Variants in RAB14 observed in about 807,000 individuals in gnomAD.
RAB14 encodes RAB14, member RAS oncogene family.
RAB14 carries 3 observed loss-of-function variants against 31.1 expected under a neutral mutation model. The observed-to-expected ratio is 0.10, with a 90% CI of 0.04 to 0.25. The LOEUF is 0.25. Ranked by LOEUF, RAB14 falls within the 10% of genes least tolerant of loss-of-function variation. The probability of loss-of-function intolerance (pLI) is 1.00; values close to 1 mark genes in which losing one functional copy is unlikely to be tolerated. For synonymous variants in RAB14, 85 were observed against 84.9 expected, an observed-to-expected ratio of 1.00 and a Z score of 0.00; for missense variants, 111 against 260.1, an observed-to-expected ratio of 0.43 and a Z score of 3.94.
intron 1 of RAB14, among the ~76,000 whole-genome samples, chr9:121,198,510 C>T (rs78262496): frequency 6.6e-6 from 1 of 152,118 alleles, no homozygotes; most frequent in African/African-American, 2.4e-5. Flanking sequence ...ATAGCTGATC[C>T]AAGACATAAC....
At chr9:121,185,046 T>C (rs1333812091) in intron 5 of RAB14, among the ~76,000 whole-genome samples, 2 of 152,160 alleles carry the variant, frequency 1.3e-5, no homozygotes, top group Non-Finnish European at 1.5e-5. Flanking sequence ...ACACAACTTC[T>C]ACACAGAAAT....
chr9:121,191,107 A>C (rs1348195789), intron 3 of RAB14, among the ~76,000 whole-genome samples: 1 of 152,142 alleles, frequency 6.6e-6, no homozygotes, highest in Non-Finnish European at 1.5e-5. Flanking sequence ...CAGTGACTGG[A>C]TTTGCCCCAC....
At chr9:121,201,601 G>C (rs932291197) in intron 1 of RAB14, 38 bp downstream of exon 1, 1 of 152,358 alleles carries the variant, frequency 6.6e-6, no homozygotes, top group Non-Finnish European at 1.5e-5. Context: ...GCGCGAGGAG[G>C]TATCAGCCGG....
At chr9:121,199,574 AAATG>A (rs2053741495) in intron 1 of RAB14, among the ~76,000 whole-genome samples, 1 of 152,256 alleles carries the variant, frequency 6.6e-6, no homozygotes, top group Non-Finnish European at 1.5e-5. Flanking sequence ...ATATTGATAA[AAATG>A]AACACTCCAA....
At chr9:121,188,209 T>A (rs925583366) in intron 4 of RAB14, among the ~76,000 whole-genome samples, 1 of 152,076 alleles carries the variant, frequency 6.6e-6, no homozygotes, top group African/African-American at 2.4e-5. Flanking sequence ...ATACAATTTT[T>A]AAAAAGCACA....
At position 121,181,164 on chromosome 9, in the gene RAB14, A is replaced by C; in HGVS notation, c.*232T>G. On this transcript the variant is annotated 3_prime_UTR_variant, in exon 8 of 8. Coordinates refer to ENST00000373840, the MANE Select transcript of RAB14 (RefSeq NM_016322.4). ...TATCACGAGGACAAGGGGGAAAAAAAGTCTAGATTTACCATGCAGGAGAGA... is the reference window on the plus strand; with the variant it reads ...TATCACGAGGACAAGGGGGAAAAAACGTCTAGATTTACCATGCAGGAGAGA... 1 of 379,806 alleles carries C rather than the reference A, an allele frequency of 2.6e-6. No homozygotes were observed. 23.5% of individuals were successfully genotyped at this position (379,806 alleles called of 1,614,324 possible).
chr9:121,200,769 C>T (rs1467181548), intron 1 of RAB14, among the ~76,000 whole-genome samples: 1 of 152,238 alleles, frequency 6.6e-6, no homozygotes, highest in East Asian at 1.9e-4. Context: ...GCCAGACACA[C>T]ATCACAACTT....
intron 4 of RAB14, among the ~76,000 whole-genome samples, chr9:121,187,873 G>C (rs954862456): frequency 2.6e-5 from 4 of 151,962 alleles, no homozygotes; most frequent in Non-Finnish European, 5.9e-5. Context: ...TTTAACATGT[G>C]AGGAAACGGA....
intron 6 of RAB14, 68 bp downstream of exon 6, chr9:121,183,243 A>G (rs2053643223): frequency 1.5e-6 from 2 of 1,348,028 alleles, no homozygotes; most frequent in Admixed American, 2.2e-5. Context: ...AAAACCAACA[A>G]AACTGTCAAG....
chr9:121,183,495 G>A (rs2132022106), intron 5 of RAB14, 97 bp from the exon 6 acceptor site: 2 of 933,000 alleles, frequency 2.1e-6, no homozygotes, highest in Non-Finnish European at 3.3e-6. Flanking sequence ...TAGAAAAAAT[G>A]ACTGGGCCTA....
intron 1 of RAB14, among the ~76,000 whole-genome samples, chr9:121,201,419 G>C (rs972724970): frequency 1.3e-5 from 2 of 152,064 alleles, no homozygotes; most frequent in Non-Finnish European, 2.9e-5. Context: ...GCTCAGGCCG[G>C]AGCCGCGCAG....
chr9:121,193,080 G>C (rs997298732), intron 2 of RAB14, among the ~76,000 whole-genome samples: 8 of 152,092 alleles, frequency 5.3e-5, no homozygotes, highest in Non-Finnish European at 1.0e-4. Flanking sequence ...TGCACTCCTT[G>C]AAACACTGAT....
At chr9:121,199,853 G>A (rs1333614893) in intron 1 of RAB14, among the ~76,000 whole-genome samples, 3 of 152,130 alleles carry the variant, frequency 2.0e-5, no homozygotes, top group Non-Finnish European at 2.9e-5. Context: ...ACTACTAAAT[G>A]GAGAGCTAGA....
chr9:121,190,456 ATACAAT>A (rs1383914365), intron 4 of RAB14, 92 bp downstream of exon 4: 2 of 1,112,080 alleles, frequency 1.8e-6, no homozygotes, highest in African/African-American at 3.2e-5. Flanking sequence ...ATTCACAGTC[ATACAAT>A]TACAAACTAA....
intron 1 of RAB14, among the ~76,000 whole-genome samples, 159 bp from the exon 2 acceptor site, chr9:121,193,578 T>C (rs1163491389): frequency 6.6e-6 from 1 of 152,108 alleles, no homozygotes; most frequent in Non-Finnish European, 1.5e-5. Flanking sequence ...ACTGATCAAA[T>C]ACACAAATTC....
At chr9:121,201,191 G>C (rs1400427172) in intron 1 of RAB14, among the ~76,000 whole-genome samples, 2 of 152,204 alleles carry the variant, frequency 1.3e-5, no homozygotes, top group Admixed American at 1.3e-4. Flanking sequence ...CCTACGGGAC[G>C]GGACCGCCAC....
rs763435742 is a variant in RAB14 at position 121,190,535 on chromosome 9, T to C, written c.284+19A>G. 58 of 1,546,898 alleles carry C rather than the reference T, an allele frequency of 3.7e-5. 1 individual carries two copies. Among genetic ancestry groups the C allele is most frequent in the Admixed American group, 1.4e-4 (7 of 51,126 alleles). ...TAGATTTATTTTCCCCATATGAAGGTTGAAAAATTATCTCTTACCTAGTGA... is the reference window on the plus strand; with the variant it reads ...TAGATTTATTTTCCCCATATGAAGGCTGAAAAATTATCTCTTACCTAGTGA... On this transcript the variant is annotated intron_variant, in intron 4 of 7. Transcript: ENST00000373840.
At chr9:121,190,311 G>A (rs562333686) in intron 4 of RAB14, among the ~76,000 whole-genome samples, 2 of 152,096 alleles carry the variant, frequency 1.3e-5, no homozygotes, top group South Asian at 4.1e-4. Context: ...TTTCAGAACT[G>A]TATTCTTCTA....
chr9:121,183,680 T>C (rs2053645214), intron 5 of RAB14, among the ~76,000 whole-genome samples: 2 of 152,210 alleles, frequency 1.3e-5, no homozygotes, highest in African/African-American at 2.4e-5. Flanking sequence ...TACATGTTCG[T>C]TGCTGGGTTT....
Sources: allele counts gnomAD v4.1 joint callset (sites outside exome capture counted in the v4.1 genomes callset), GRCh38; gene constraint gnomAD v4.1.1; transcripts MANE v1.5; gene names NCBI Gene and HGNC (gene_info 2026-07-23, HGNC 2026-07-21).